BEND7: variants seen among roughly 807,000 people sequenced by gnomAD.
The protein encoded by BEND7 is BEN domain-containing protein 7.
In BEND7, 28 loss-of-function variants were observed where a neutral mutation model predicts 50.9. That is an observed-to-expected ratio of 0.55 (90% CI 0.41 to 0.75). The LOEUF (loss-of-function observed/expected upper bound fraction) is 0.75, where lower values mean the gene tolerates loss of function less well. Among genes scored for constraint, BEND7 ranks in the 30% least tolerant of loss-of-function variants. BEND7 has a pLI of 0.00. For synonymous variants in BEND7, 170 were observed against 183.9 expected (o/e 0.92, Z 0.61); for missense variants, 477 against 491.3 (o/e 0.97, Z 0.28).
At chr10:13,471,815 C>T (rs576846419) in intron 6 of BEND7, among the ~76,000 whole-genome samples, 1 of 152,402 alleles carries the variant, frequency 6.6e-6, no homozygotes, top group South Asian at 2.1e-4. Context: ...CCAAGCTTCA[C>T]AGGGGCTGTT....
chr10:13,493,333 A>G (rs182423091), intron 4 of BEND7, among the ~76,000 whole-genome samples: 3 of 152,354 alleles, frequency 2.0e-5, no homozygotes, highest in Non-Finnish European at 4.4e-5. Flanking sequence ...CAAAACTGAT[A>G]AAGATGAGAC....
intron 6 of BEND7, among the ~76,000 whole-genome samples, chr10:13,466,277 ATAGGC>A (rs2074240778): frequency 1.3e-5 from 2 of 151,770 alleles, no homozygotes; most frequent in South Asian, 4.2e-4. Flanking sequence ...TATGGATTTA[ATAGGC>A]CGGGCGCAGT....
intron 6 of BEND7, among the ~76,000 whole-genome samples, chr10:13,455,391 T>C (rs1476516972): frequency 6.6e-6 from 1 of 150,936 alleles, no homozygotes; most frequent in African/African-American, 2.4e-5. Context: ...CACTGAGTGG[T>C]TCTCATAAAA....
chr10:13,509,746 G>C (rs1026972847), intron 2 of BEND7, among the ~76,000 whole-genome samples: 1 of 152,156 alleles, frequency 6.6e-6, no homozygotes, highest in Non-Finnish European at 1.5e-5. Context: ...GAAGTGAAGT[G>C]GGCAATGGCG....
At chr10:13,507,417 C>T (rs758629314) in intron 2 of BEND7, among the ~76,000 whole-genome samples, 1 of 152,124 alleles carries the variant, frequency 6.6e-6, no homozygotes, top group African/African-American at 2.4e-5. Flanking sequence ...CCAATCCTAC[C>T]GCTACACTAT....
rs541160112 is a variant in BEND7 at position 13,479,937 on chromosome 10, G to T, written c.1063+962C>A. On this transcript the variant is annotated intron_variant, in intron 6 of 8. Transcript: ENST00000466271. ...ACTACTGAATTCATTTACTCATTTT[G>T]CCAGATAATGGGGAACAGAAGGGGG... Among the ~76,000 whole-genome samples, 8 of 152,228 alleles carry T rather than the reference G, an allele frequency of 5.3e-5. No individual in the cohort carries two copies. In the East Asian group the frequency reaches 1.4e-3, roughly 26 times the overall value.
chr10:13,473,816 T>C (rs1196373126), intron 6 of BEND7, among the ~76,000 whole-genome samples: 1 of 151,514 alleles, frequency 6.6e-6, no homozygotes, highest in Non-Finnish European at 1.5e-5. Context: ...TCAGGGCTGA[T>C]ATCCATCATC....
intron 6 of BEND7, among the ~76,000 whole-genome samples, chr10:13,479,783 GA>G (rs1343487384): frequency 6.8e-6 from 1 of 147,344 alleles, no homozygotes; most frequent in Non-Finnish European, 1.5e-5. Flanking sequence ...TTGAGCATGA[GA>G]AATTCTCTGT....
rs144141504 is a variant in BEND7, at chr10:13,506,298, C to G, written c.146-6218G>C. Among the ~76,000 whole-genome samples, 1,385 of 152,316 alleles carry G rather than the reference C, an allele frequency of 9.1e-3. 9 individuals are homozygous for G. The highest frequency in any genetic ancestry group is 0.013 in the Non-Finnish European group (889 of 68,024). On this transcript the variant is annotated intron_variant, in intron 2 of 8. Transcript: ENST00000466271. ...CTGTTGGCCCCGCATGAAAATTATT[C>G]ATTCTCCCTTCCTTTGAGGCTGCAG... is the stretch of plus-strand genomic sequence containing the variant.
intron 6 of BEND7, 114 bp downstream of exon 6, chr10:13,480,785 G>C: frequency 6.6e-7 from 1 of 1,520,502 alleles, no homozygotes; most frequent in Non-Finnish European, 8.8e-7. Flanking sequence ...GGCTAAATTG[G>C]CAATGGCAAA....
At chr10:13,517,864 G>A (rs112145582) in intron 2 of BEND7, among the ~76,000 whole-genome samples, 138 of 152,308 alleles carry the variant, frequency 9.1e-4, no homozygotes, top group African/African-American at 3.2e-3. Context: ...CCCTTCGCCA[G>A]CCCCGCTCCC....
intron 2 of BEND7, among the ~76,000 whole-genome samples, chr10:13,524,691 G>GGACT (rs2079325870): frequency 6.6e-6 from 1 of 151,114 alleles, no homozygotes; most frequent in Non-Finnish European, 1.5e-5. Flanking sequence ...CAAGTTTAGG[G>GGACT]GACTGGAAAG....
intron 6 of BEND7, among the ~76,000 whole-genome samples, chr10:13,462,883 TCCTA>T (rs1302438732): frequency 6.6e-6 from 1 of 151,920 alleles, no homozygotes; most frequent in Non-Finnish European, 1.5e-5. Context: ...GGCCAAAAGA[TCCTA>T]CAATCAACTA....
chr10:13,500,525 C>T (rs2077363967), intron 2 of BEND7: 1 of 990,966 alleles, frequency 1.0e-6, no homozygotes, highest in Non-Finnish European at 1.2e-6. Context: ...GTCAGCTTCA[C>T]CAGGCGGGGC....
At chr10:13,439,134 A>T (rs1371588403), downstream of BEND7, 1 of 1,506,780 alleles carries the variant, frequency 6.6e-7, no homozygotes, top group African/African-American at 1.4e-5. Flanking sequence ...CAGTGGAAAG[A>T]TGGGTGATAC....
chr10:13,491,449 A>G lies in BEND7; in HGVS notation c.837+1162T>C, dbSNP rs1410293180. On this transcript the variant is annotated intron_variant, in intron 5 of 8. Transcript: ENST00000466271. ...GGGCCCTAGTTGCAATAGCAATATG[A>G]TATCATTGCATGAGCTGACTGGTCC... 2.0e-5 allele frequency among the ~76,000 whole-genome samples: 3 copies of G among 152,052 alleles called. No individual in the cohort carries two copies. In the East Asian group the frequency reaches 5.8e-4, roughly 29 times the overall value.
Position 13,494,225 on chromosome 10 carries a change from T to C in BEND7, c.572-1349A>G, listed in dbSNP as rs550585187. On this transcript the variant is annotated intron_variant, in intron 4 of 8. Transcript: ENST00000466271. ...CGAGGTCAAGAGATCGAGACCATCC[T>C]GGCCAACATGGTGAAACCCCGTCTC... is the stretch of plus-strand genomic sequence containing the variant. 9.9e-5 allele frequency among the ~76,000 whole-genome samples: 15 copies of C among 152,280 alleles called. No homozygotes were observed. In the South Asian group the frequency reaches 1.7e-3, roughly 17 times the overall value.
chr10:13,526,071 C>CT, intron 2 of BEND7, 67 bp downstream of exon 2: 2 of 848,596 alleles, frequency 2.4e-6, no homozygotes. Context: ...GAACAATTTC[C>CT]TTTTTTCCCC....
chr10:13,527,994 C>A (rs117121007), intron 1 of BEND7, among the ~76,000 whole-genome samples: 3,390 of 152,336 alleles, frequency 0.022, 62 homozygotes, highest in Non-Finnish European at 0.035. Flanking sequence ...GTCAACAATT[C>A]CGCCTTGGGC....
Sources: allele counts gnomAD v4.1 joint callset (sites outside exome capture counted in the v4.1 genomes callset), GRCh38; gene constraint gnomAD v4.1.1; transcripts MANE v1.5; gene names NCBI Gene and HGNC (gene_info 2026-07-23, HGNC 2026-07-21).